The following CSRNP3 variants were observed in gnomAD, a reference collection of about 807,000 sequenced individuals.
The protein encoded by CSRNP3 is cysteine and serine rich nuclear protein 3.
CSRNP3 carries 12 observed loss-of-function variants against 48.0 expected under a neutral mutation model. The observed-to-expected ratio is 0.25, with a 90% CI of 0.16 to 0.41. CSRNP3 has a LOEUF of 0.41. Ranked by LOEUF, CSRNP3 falls within the 10% of genes least tolerant of loss-of-function variation. CSRNP3 has a pLI of 1.00. For missense variants in CSRNP3, 580 were observed against 724.4 expected (o/e 0.80, Z 2.29); for synonymous variants, 263 against 269.7 (o/e 0.98, Z 0.24).
chr2:165,657,984 C>T lies in CSRNP3; in HGVS notation c.372C>T (p.His124=). 2 of 1,613,622 alleles carry T rather than the reference C, an allele frequency of 1.2e-6. No homozygotes were observed. The highest frequency in any genetic ancestry group is 8.5e-7 in the Non-Finnish European group (1 of 1,179,886). ...TCCACCGGGAGATGTTGAGAGAACACCTTAGGGAGGAAAAGCTGAACTCCT... is the reference window on the plus strand; with the variant it reads ...TCCACCGGGAGATGTTGAGAGAACATCTTAGGGAGGAAAAGCTGAACTCCT... The part of the protein sequence containing the change: ...ERLHREMLRE[H]LREEKLNSLK... Residue 124 remains histidine, a synonymous_variant, in exon 5 of 7, where the codon CAC becomes CAT. Coordinates refer to ENST00000651982, the MANE Select transcript of CSRNP3 (RefSeq NM_001172173.2).
At chr2:165,665,840 CAAGG>C (rs1365478019) in intron 5 of CSRNP3, among the ~76,000 whole-genome samples, 14 of 116,894 alleles carry the variant, frequency 1.2e-4, no homozygotes, top group Admixed American at 1.9e-4. Flanking sequence ...AGAAAGGAAG[CAAGG>C]AAGGAAGGAA....
chr2:165,559,243 T>C (rs1191924348), intron 3 of CSRNP3, among the ~76,000 whole-genome samples: 1 of 152,214 alleles, frequency 6.6e-6, no homozygotes, highest in Non-Finnish European at 1.5e-5. Flanking sequence ...AATAAATCTC[T>C]CTGGTACTAG....
intron 3 of CSRNP3, among the ~76,000 whole-genome samples, chr2:165,544,371 G>T (rs1574830696): frequency 6.6e-6 from 1 of 152,138 alleles, no homozygotes; most frequent in East Asian, 1.9e-4. Context: ...GATAAAGCCA[G>T]TGGACCTAGT....
chr2:165,551,796 A>T (rs1685099135), intron 3 of CSRNP3, among the ~76,000 whole-genome samples: 1 of 152,236 alleles, frequency 6.6e-6, no homozygotes, highest in Non-Finnish European at 1.5e-5. Flanking sequence ...TTAAAAAAAA[A>T]AATCTCAGAA....
intron 2 of CSRNP3, among the ~76,000 whole-genome samples, chr2:165,499,255 A>G (rs755766469): frequency 8.5e-5 from 13 of 152,174 alleles, no homozygotes; most frequent in Non-Finnish European, 1.8e-4. Flanking sequence ...GACGGTGATG[A>G]TGAAATCTGC....
chr2:165,495,731 T>C, intron 2 of CSRNP3, among the ~76,000 whole-genome samples: 1 of 152,150 alleles, frequency 6.6e-6, no homozygotes, highest in Middle Eastern at 3.4e-3. Context: ...CACCCACCCC[T>C]CATGAGATGA....
chr2:165,581,345 G>C (rs1007436067), intron 3 of CSRNP3, among the ~76,000 whole-genome samples: 1 of 152,136 alleles, frequency 6.6e-6, no homozygotes, highest in Non-Finnish European at 1.5e-5. Context: ...ATTAGTAAAT[G>C]GAATAGCCGT....
intron 5 of CSRNP3, among the ~76,000 whole-genome samples, chr2:165,661,933 A>G (rs146707495): frequency 0.013 from 1,910 of 152,280 alleles, 18 homozygotes; most frequent in Non-Finnish European, 0.019. Flanking sequence ...CAACAGCCCC[A>G]AAACAGGAAG....
At chr2:165,474,471 A>T (rs927216607) in intron 1 of CSRNP3, among the ~76,000 whole-genome samples, 1 of 152,062 alleles carries the variant, frequency 6.6e-6, no homozygotes, top group African/African-American at 2.4e-5. Flanking sequence ...CTTGGCCTAT[A>T]CTCATTTAAT....
chr2:165,643,060 A>G (rs550309625), intron 4 of CSRNP3, among the ~76,000 whole-genome samples: 123 of 152,298 alleles, frequency 8.1e-4, no homozygotes, highest in African/African-American at 2.9e-3. Context: ...ATAACATAAA[A>G]CTGCTAGATG....
At chr2:165,603,471 A>G (rs998894948) in intron 4 of CSRNP3, among the ~76,000 whole-genome samples, 8 of 152,092 alleles carry the variant, frequency 5.3e-5, no homozygotes, top group Non-Finnish European at 8.8e-5. Context: ...GAAATACTCA[A>G]TTCCAGTATT....
intron 1 of CSRNP3, among the ~76,000 whole-genome samples, chr2:165,471,319 G>GT (rs1315311697): frequency 6.6e-6 from 1 of 151,570 alleles, no homozygotes; most frequent in Non-Finnish European, 1.5e-5. Context: ...TTCCGATTTT[G>GT]TTTTTTTAAG....
chr2:165,471,912 G>A (rs1481050764), intron 1 of CSRNP3, among the ~76,000 whole-genome samples: 1 of 151,914 alleles, frequency 6.6e-6, no homozygotes, highest in Non-Finnish European at 1.5e-5. Context: ...TCCAAGTGAA[G>A]GATGAAACAA....
intron 3 of CSRNP3, among the ~76,000 whole-genome samples, chr2:165,525,088 G>C (rs951466312): frequency 6.6e-6 from 1 of 151,918 alleles, no homozygotes; most frequent in African/African-American, 2.4e-5. Context: ...ACTGACACTT[G>C]GTATTATCAG....
intron 3 of CSRNP3, among the ~76,000 whole-genome samples, chr2:165,594,031 G>T (rs1685769562): frequency 6.6e-6 from 1 of 152,088 alleles, no homozygotes; most frequent in African/African-American, 2.4e-5. Context: ...ATATGAATAA[G>T]ATATACATAA....
At chr2:165,587,199 A>T (rs911493878) in intron 3 of CSRNP3, among the ~76,000 whole-genome samples, 6 of 152,264 alleles carry the variant, frequency 3.9e-5, no homozygotes, top group African/African-American at 1.4e-4. Flanking sequence ...TTCTGAGATC[A>T]TAACATGCTT....
rs2105281885 is a variant in CSRNP3 at position 165,579,997 on chromosome 2, C to T, written c.-23-15046C>T. ...AGGCTGGAGTGCAATGGCGTAATCT[C>T]GGCTCACCGCAAGCTCCACCTCCCG... On this transcript the variant is annotated intron_variant, in intron 3 of 6. Transcript: ENST00000651982. 2.7e-5 allele frequency among the ~76,000 whole-genome samples: 4 copies of T among 145,986 alleles called. No individual in the cohort carries two copies. The Middle Eastern group carries it at 0.014, about 518-fold the overall frequency.
chr2:165,486,904 GA>G (rs1350761196), intron 1 of CSRNP3, among the ~76,000 whole-genome samples: 2 of 85,172 alleles, frequency 2.3e-5, no homozygotes, highest in Non-Finnish European at 4.5e-5. Context: ...TCCTCCAAAG[GA>G]ACGCAGTTCC....
intron 4 of CSRNP3, among the ~76,000 whole-genome samples, chr2:165,655,421 T>G (rs1049848678): frequency 3.9e-5 from 6 of 152,226 alleles, no homozygotes; most frequent in African/African-American, 1.4e-4. Flanking sequence ...CAGGGAGTTC[T>G]AAGGATAAAA....
Sources: allele counts gnomAD v4.1 joint callset (sites outside exome capture counted in the v4.1 genomes callset), GRCh38; gene constraint gnomAD v4.1.1; transcripts MANE v1.5; gene names NCBI Gene and HGNC (gene_info 2026-07-23, HGNC 2026-07-21).